ARG2: variants seen among roughly 807,000 people sequenced by gnomAD.
ARG2 encodes arginase-2, mitochondrial.
Under a neutral mutation model 39.4 loss-of-function variants are expected in ARG2, and 21 were observed. That is an observed-to-expected ratio of 0.53 (90% CI 0.38 to 0.77). The LOEUF is 0.77. Among genes scored for constraint, ARG2 ranks in the 30% least tolerant of loss-of-function variants. The probability of loss-of-function intolerance (pLI) is 0.00; values close to 1 mark genes in which losing one functional copy is unlikely to be tolerated. For synonymous variants in ARG2, 150 were observed against 156.7 expected (o/e 0.96, Z 0.32); for missense variants, 378 against 426.2 (o/e 0.89, Z 1.00).
At position 67,625,158 on chromosome 14, in the gene ARG2, A is replaced by T. The variant is rs76253202; in HGVS notation, c.184+4192A>T. Among the ~76,000 whole-genome samples, 5 of 141,558 alleles carry T rather than the reference A, an allele frequency of 3.5e-5. No individual in the cohort carries two copies. In the South Asian group the frequency reaches 8.9e-4, roughly 25 times the overall value. The allele number at this position is 141,558 out of a possible 152,430, so 92.9% of individuals were successfully genotyped here. On this transcript the variant is annotated intron_variant, in intron 2 of 7. Coordinates refer to ENST00000261783, the MANE Select transcript of ARG2 (RefSeq NM_001172.4). ...GCTGGGATAACTGGATATCCACATT[A>T]AAAAAAAAAAAATCCCTATCTCACA...
At chr14:67,649,506 A>T (rs1479741477) in intron 7 of ARG2, 1 of 152,178 alleles carries the variant, frequency 6.6e-6, no homozygotes, top group Non-Finnish European at 1.5e-5. Flanking sequence ...TGGAAACATA[A>T]GTCATGTATA....
At chr14:67,642,408 C>A in intron 3 of ARG2, 45 bp downstream of exon 3, 1 of 1,591,030 alleles carries the variant, frequency 6.3e-7, no homozygotes, top group Non-Finnish European at 8.6e-7. Context: ...TTACATGGTG[C>A]TTGGGGCTCA....
chr14:67,628,276 A>G (rs1030845012), intron 2 of ARG2, among the ~76,000 whole-genome samples: 3 of 152,168 alleles, frequency 2.0e-5, no homozygotes, highest in Admixed American at 2.0e-4. Context: ...TGTGGGGGCT[A>G]TTCACAGACA....
intron 2 of ARG2, among the ~76,000 whole-genome samples, chr14:67,625,182 C>T (rs1252361419): frequency 1.3e-5 from 2 of 151,916 alleles, no homozygotes; most frequent in African/African-American, 4.8e-5. Flanking sequence ...CCCTATCTCA[C>T]ACCATATATG....
At chr14:67,638,576 T>C (rs1229234883) in intron 2 of ARG2, among the ~76,000 whole-genome samples, 2 of 152,156 alleles carry the variant, frequency 1.3e-5, no homozygotes, top group East Asian at 1.9e-4. Context: ...TTAGGACTCA[T>C]TGTCCCAAGT....
At chr14:67,636,606 C>T (rs1350193619) in intron 2 of ARG2, among the ~76,000 whole-genome samples, 1 of 152,190 alleles carries the variant, frequency 6.6e-6, no homozygotes, top group East Asian at 1.9e-4. Context: ...TTCCTTACAG[C>T]CTGGTTGCAT....
chr14:67,624,641 C>T (rs1014122574), intron 2 of ARG2, among the ~76,000 whole-genome samples: 1 of 152,138 alleles, frequency 6.6e-6, no homozygotes, highest in Non-Finnish European at 1.5e-5. Flanking sequence ...CCATTAGGAA[C>T]AACCCCCATG....
intron 3 of ARG2, 102 bp from the exon 4 acceptor site, chr14:67,645,541 T>C: frequency 7.3e-7 from 1 of 1,362,038 alleles, no homozygotes; most frequent in East Asian, 2.3e-5. Flanking sequence ...AGGCCCTGGC[T>C]TTGCACTGTG....
At chr14:67,646,803 C>A in intron 5 of ARG2, 65 bp downstream of exon 5, 1 of 1,469,844 alleles carries the variant, frequency 6.8e-7, no homozygotes, top group Non-Finnish European at 9.5e-7. Flanking sequence ...ATTTGAAAGG[C>A]TGATGCTTAA....
chr14:67,639,890 A>G (rs1054478867), intron 2 of ARG2, among the ~76,000 whole-genome samples: 17 of 138,720 alleles, frequency 1.2e-4, no homozygotes, highest in Admixed American at 4.2e-4. Flanking sequence ...GTGCCACTGC[A>G]CTCCAGCCTG....
At chr14:67,638,045 A>G (rs8018249) in intron 2 of ARG2, among the ~76,000 whole-genome samples, 152,246 of 152,326 alleles carry the variant, frequency 1, 76,083 homozygotes, top group Middle Eastern at 1. Flanking sequence ...CCTAGGCATG[A>G]GAGCCACAAG....
Position 67,645,812 on chromosome 14 carries a change from C to T in ARG2, c.522+10C>T. On this transcript the variant is annotated intron_variant, in intron 4 of 7. Transcript: ENST00000261783. Reference sequence around the variant, plus strand: ...AGAACTACAGGATAAGGTCAGTGGGCCAAAACGAAAAGAAAGGTGAATGGC... The same window carrying T: ...AGAACTACAGGATAAGGTCAGTGGGTCAAAACGAAAAGAAAGGTGAATGGC... The T allele has an allele frequency of 1.2e-6, 2 of 1,612,418 alleles. No individual in the cohort carries two copies. Among genetic ancestry groups the T allele is most frequent in the South Asian group, 1.1e-5 (1 of 90,758 alleles).
rs1221485196 is a variant in ARG2, at chr14:67,650,587, T to C, written c.860-128T>C. 7.8e-6 allele frequency: 6 copies of C among 770,514 alleles called. No homozygotes were observed. The South Asian group carries it at 1.0e-4, about 13-fold the overall frequency. The allele number at this position is 770,514 out of a possible 1,614,324, so 47.7% of individuals were successfully genotyped here. A position where few individuals can be genotyped will look rare whatever the true frequency, so the allele number is the denominator to read the frequency against. On this transcript the variant is annotated intron_variant, in intron 7 of 7. Coordinates refer to ENST00000261783, the MANE Select transcript of ARG2 (RefSeq NM_001172.4). ...TGAGGTGCAAGGGGCTTCCTAAAAA[T>C]AGGTATTTTCTACTATAAAATGGAC...
At chr14:67,624,954 GAAACC>G (rs2036847682) in intron 2 of ARG2, among the ~76,000 whole-genome samples, 1 of 152,184 alleles carries the variant, frequency 6.6e-6, no homozygotes, top group Non-Finnish European at 1.5e-5. Flanking sequence ...CAATCACAGT[GAAACC>G]AGGAGGCTGG....
At chr14:67,625,117 G>A (rs1221192431) in intron 2 of ARG2, among the ~76,000 whole-genome samples, 1 of 151,684 alleles carries the variant, frequency 6.6e-6, no homozygotes, top group African/African-American at 2.4e-5. Context: ...GGAAAGAATA[G>A]TCTTCAGTAA....
At position 67,650,843 on chromosome 14, in the gene ARG2, G is replaced by A. The variant is rs375587822; in HGVS notation, c.988G>A (p.Gly330Arg). Residue 330 changes from glycine to arginine, a missense_variant, in exon 8 of 8, where the codon GGG becomes AGG. By Grantham distance (125) the Gly-to-Arg change is moderately radical. Transcript: ENST00000261783. ...ASSFGQTREGGHIVYDQLPTP... is the reference protein window; with the variant it reads ...ASSFGQTREGRHIVYDQLPTP... ...AAGCTTTGGTCAGACAAGAGAAGGA[G>A]GGCATATTGTCTATGACCAACTTCC... The A allele has an allele frequency of 4.6e-5, 74 of 1,613,984 alleles. No individual in the cohort carries two copies. The highest frequency in any genetic ancestry group is 6.2e-5 in the Non-Finnish European group (73 of 1,180,010).
Position 67,651,117 on chromosome 14 carries a change from C to G in ARG2, c.*197C>G, listed in dbSNP as rs902668423. On this transcript the variant is annotated 3_prime_UTR_variant, in exon 8 of 8. Transcript: ENST00000261783. ...AATGTATTTGGTTTTTTGCAGTTCA[C>G]AGGGTATTAATATGCTACAGTACTA... 6.6e-6 allele frequency: 6 copies of G among 913,646 alleles called. No homozygotes were observed. The highest frequency in any genetic ancestry group is 1.6e-6 in the Non-Finnish European group (1 of 616,812). 56.6% of individuals were successfully genotyped at this position (913,646 alleles called of 1,614,324 possible).
At chr14:67,628,690 C>A (rs1303917139) in intron 2 of ARG2, among the ~76,000 whole-genome samples, 1 of 152,154 alleles carries the variant, frequency 6.6e-6, no homozygotes, top group Non-Finnish European at 1.5e-5. Context: ...ATTTTGACCA[C>A]CTCAGCCATT....
chr14:67,639,443 T>C (rs1169426860), intron 2 of ARG2, among the ~76,000 whole-genome samples: 1 of 152,310 alleles, frequency 6.6e-6, no homozygotes, highest in African/African-American at 2.4e-5. Context: ...TAGAGTGCAA[T>C]TACCAAAATA....
Sources: gnomAD v4.1 joint callset for allele counts (sites outside exome capture counted in the v4.1 genomes callset) on GRCh38, gnomAD v4.1.1 for gene constraint, MANE v1.5 for transcripts, NCBI Gene and HGNC (gene_info 2026-07-23, HGNC 2026-07-21) for gene names.